DPYS: variants seen among roughly 807,000 people sequenced by gnomAD.
DPYS encodes the protein dihydropyrimidine amidohydrolase.
Under a neutral mutation model 50.3 loss-of-function variants are expected in DPYS, and 39 were observed. The observed-to-expected ratio is 0.78, with a 90% CI of 0.60 to 1.01. DPYS has a LOEUF of 1.01. Ranked by LOEUF, DPYS falls within the 50% of genes least tolerant of loss-of-function variation. The pLI is 0.00. For missense variants in DPYS, 659 were observed against 680.9 expected, an observed-to-expected ratio of 0.97 and a Z score of 0.36; for synonymous variants, 245 against 250.7, an observed-to-expected ratio of 0.98 and a Z score of 0.22.
intron 7 of DPYS, among the ~76,000 whole-genome samples, chr8:104,408,091 A>G (rs2140563799): frequency 6.6e-6 from 1 of 152,388 alleles, no homozygotes; most frequent in Non-Finnish European, 1.5e-5. Context: ...TGCTGGGGAT[A>G]CAGCAGTGAA....
At chr8:104,419,876 T>C (rs966113033) in intron 7 of DPYS, 2 of 152,204 alleles carry the variant, frequency 1.3e-5, no homozygotes, top group Admixed American at 6.5e-5. Flanking sequence ...GCATGGATTC[T>C]AGTTAATAAT....
At chr8:104,433,819 C>T (rs1464109222) in intron 4 of DPYS, among the ~76,000 whole-genome samples, 1 of 152,136 alleles carries the variant, frequency 6.6e-6, no homozygotes, top group African/African-American at 2.4e-5. Context: ...AGAGGGGCCA[C>T]TGTGTAGATT....
At chr8:104,390,716 C>T (rs1811360333) in intron 8 of DPYS, among the ~76,000 whole-genome samples, 1 of 152,034 alleles carries the variant, frequency 6.6e-6, no homozygotes, top group Admixed American at 6.6e-5. Flanking sequence ...CCAGGCTGGT[C>T]TTGAACTACT....
intron 7 of DPYS, among the ~76,000 whole-genome samples, chr8:104,422,922 CA>C (rs533072064): frequency 9.2e-4 from 140 of 152,306 alleles, no homozygotes; most frequent in African/African-American, 3.3e-3. Context: ...AGCCACAGAA[CA>C]AGCAAAATCC....
At chr8:104,456,744 C>CA (rs1261259368) in intron 1 of DPYS, among the ~76,000 whole-genome samples, 1 of 152,190 alleles carries the variant, frequency 6.6e-6, no homozygotes, top group Non-Finnish European at 1.5e-5. Context: ...ACCTGGCTCA[C>CA]AAATCAATTA....
intron 7 of DPYS, among the ~76,000 whole-genome samples, chr8:104,407,912 C>T (rs188573864): frequency 9.6e-4 from 146 of 151,848 alleles, no homozygotes; most frequent in Admixed American, 3.0e-3. Context: ...CTCTAGCCCA[C>T]GAACTATACA....
Position 104,447,394 on chromosome 8 carries a change from G to A in DPYS, c.533C>T (p.Ala178Val). ...YMVTDLELYE[A>V]FSRCKEIGAI... is the part of the protein sequence containing the mutation. Reference sequence around the variant, plus strand: ...TCCAATTTCCTTGCACCGAGAGAAGGCTTCGTACAGCTCCAGGTCTGTCAC... The same window carrying A: ...TCCAATTTCCTTGCACCGAGAGAAGACTTCGTACAGCTCCAGGTCTGTCAC... The change falls in exon 3 of 10, where the codon GCC becomes GTC. Residue 178 changes from alanine to valine, a missense_variant. Coordinates refer to ENST00000351513, the MANE Select transcript of DPYS (RefSeq NM_001385.3). 1 of 1,614,014 alleles carries A rather than the reference G, an allele frequency of 6.2e-7. No individual in the cohort carries two copies. Among genetic ancestry groups the A allele is most frequent in the Non-Finnish European group, 8.5e-7 (1 of 1,180,002 alleles).
intron 8 of DPYS, chr8:104,381,556 G>C (rs980931051): frequency 2.1e-6 from 1 of 474,098 alleles, no homozygotes; most frequent in African/African-American, 2.0e-5. Flanking sequence ...TGGGGCCTCT[G>C]CCATATCCTC....
At chr8:104,384,088 T>C (rs1811138692) in intron 8 of DPYS, among the ~76,000 whole-genome samples, 1 of 152,158 alleles carries the variant, frequency 6.6e-6, no homozygotes, top group Admixed American at 6.5e-5. Flanking sequence ...GTGGGCCAGG[T>C]CTGCTTTCCT....
chr8:104,420,700 C>T (rs377541851), intron 7 of DPYS: 1 of 91,608 alleles, frequency 1.1e-5, no homozygotes, highest in East Asian at 3.6e-4. Context: ...TTCCACTTTT[C>T]AAAAAAAAAA....
intron 7 of DPYS, among the ~76,000 whole-genome samples, chr8:104,394,880 C>T (rs192009163): frequency 6.7e-6 from 1 of 149,438 alleles, no homozygotes; most frequent in East Asian, 1.9e-4. Flanking sequence ...AATGCCTCTC[C>T]AAGGTAGAGA....
chr8:104,427,982 C>T lies in DPYS; in HGVS notation c.1090G>A (p.Val364Met), dbSNP rs138282507. The T allele has an allele frequency of 7.1e-5, 115 of 1,613,978 alleles. No individual in the cohort carries two copies. The highest frequency in any genetic ancestry group is 1.7e-4 in the Middle Eastern group (1 of 6,022). The stretch of plus-strand genomic sequence containing the variant: ...AGGCTGGAACCTGTGAAACCCACCA[C>T]GCCTTTTTCCCATATTACGGACATC... ...DRMSVIWEKG[V>M]HSGKMDENRF... The change falls in exon 6 of 10, where the codon GTG (valine) becomes ATG (methionine). Residue 364 changes from valine (V) to methionine (M), a missense_variant and splice_region_variant. Physicochemically the swap from Val to Met is conservative, Grantham distance 21 (BLOSUM62 1). Coordinates refer to ENST00000351513, the MANE Select transcript of DPYS (RefSeq NM_001385.3).
rs1361226529 is a variant in DPYS, at chr8:104,379,774, T to C, written c.*84A>G. 1 of 456,666 alleles carries C rather than the reference T, an allele frequency of 2.2e-6. No homozygotes were observed. Among genetic ancestry groups the C allele is most frequent in the Non-Finnish European group, 4.4e-6 (1 of 226,960 alleles). 28.3% of individuals were successfully genotyped at this position (456,666 alleles called of 1,614,324 possible). Reference sequence around the variant, plus strand: ...GGATCCTAGGGAGTTGAATAAGGCCTGCTTCTCCATGGGTTGACAATGTTT... The same window carrying C: ...GGATCCTAGGGAGTTGAATAAGGCCCGCTTCTCCATGGGTTGACAATGTTT... On this transcript the variant is annotated 3_prime_UTR_variant, in exon 10 of 10. Coordinates refer to ENST00000351513, the MANE Select transcript of DPYS (RefSeq NM_001385.3).
At chr8:104,413,618 A>G (rs1467106502) in intron 7 of DPYS, among the ~76,000 whole-genome samples, 4 of 152,224 alleles carry the variant, frequency 2.6e-5, no homozygotes, top group African/African-American at 7.2e-5. Flanking sequence ...AGTCATTTTA[A>G]CATAAACATC....
chr8:104,407,005 G>C (rs980600860), intron 7 of DPYS, among the ~76,000 whole-genome samples: 2 of 152,212 alleles, frequency 1.3e-5, no homozygotes, highest in Admixed American at 1.3e-4. Flanking sequence ...TAGCACTTCA[G>C]TGGTTGGAAG....
In DPYS at chr8:104,459,900, G is replaced by C. The variant is rs1162014146; in HGVS notation, c.264+6757C>G. On this transcript the variant is annotated intron_variant, in intron 1 of 9. Transcript: ENST00000351513. ...GTTTTCCTATGTGTCTTTTCTCCCTGTGACCATCCCCTATTAAGAAGTTGT... is the reference window on the plus strand; with the variant it reads ...GTTTTCCTATGTGTCTTTTCTCCCTCTGACCATCCCCTATTAAGAAGTTGT... 2.0e-5 allele frequency among the ~76,000 whole-genome samples: 3 copies of C among 152,076 alleles called. No homozygotes were observed. The East Asian group carries it at 5.8e-4, about 29-fold the overall frequency.
At chr8:104,465,886 G>A (rs1365767481) in intron 1 of DPYS, among the ~76,000 whole-genome samples, 5 of 152,088 alleles carry the variant, frequency 3.3e-5, no homozygotes, top group Non-Finnish European at 7.3e-5. Flanking sequence ...TTACCCTCCT[G>A]CAACATCAGT....
At position 104,398,000 on chromosome 8, in the gene DPYS, G is replaced by A. The variant is rs557856009; in HGVS notation, c.1236-5009C>T. 2.6e-5 allele frequency among the ~76,000 whole-genome samples: 4 copies of A among 152,332 alleles called. No individual in the cohort carries two copies. In the East Asian group the frequency reaches 7.7e-4, roughly 29 times the overall value. On this transcript the variant is annotated intron_variant, in intron 7 of 9. Transcript: ENST00000351513. ...AATCTATGCATTTGTTGTGCAGTTT[G>A]GGAGATGTGGTCCATTATTGGAACA...
chr8:104,466,405 A>G (rs1814392577), intron 1 of DPYS, among the ~76,000 whole-genome samples: 1 of 152,174 alleles, frequency 6.6e-6, no homozygotes, highest in African/African-American at 2.4e-5. Context: ...ATTAACCACT[A>G]AAGGAGGAGT....
Sources: gnomAD v4.1 joint callset for allele counts (sites outside exome capture counted in the v4.1 genomes callset) on GRCh38, gnomAD v4.1.1 for gene constraint, MANE v1.5 for transcripts, NCBI Gene and HGNC (gene_info 2026-07-23, HGNC 2026-07-21) for gene names.